The following TNKS2 variants were observed in gnomAD, a reference collection of about 807,000 sequenced individuals.
TNKS2 encodes the protein poly [ADP-ribose] polymerase tankyrase-2.
Under a neutral mutation model 137.6 loss-of-function variants are expected in TNKS2, and 72 were observed. That is an observed-to-expected ratio of 0.52 (90% CI 0.43 to 0.64). The LOEUF is 0.64. TNKS2 is among the 30% of genes least tolerant of loss of function. The pLI is 0.00. For missense variants in TNKS2, 1,049 were observed against 1,410.2 expected (o/e 0.74, Z 4.10); for synonymous variants, 516 against 512.1 (o/e 1.01, Z -0.10).
At chr10:91,808,849 A>G (rs1844409518) in intron 1 of TNKS2, among the ~76,000 whole-genome samples, 1 of 152,148 alleles carries the variant, frequency 6.6e-6, no homozygotes, top group Non-Finnish European at 1.5e-5. Context: ...AGGTAGAGGA[A>G]GCAATAAGCC....
At chr10:91,839,394 G>A (rs1466861853) in intron 13 of TNKS2, among the ~76,000 whole-genome samples, 3 of 151,590 alleles carry the variant, frequency 2.0e-5, no homozygotes, top group Non-Finnish European at 4.4e-5. Flanking sequence ...CCACGCTGGA[G>A]TGTGATGGCA....
At position 91,813,020 on chromosome 10, in the gene TNKS2, G is replaced by A. The variant is rs761037535; in HGVS notation, c.237G>A (p.Gln79=). ...AAGACGTAGTTGAATATTTGCTTCA[G>A]AATGGTGCAAATGTCCAAGCACGTG... ...GRKDVVEYLL[Q]NGANVQARDD... Residue 79 remains glutamine, a synonymous_variant, in exon 2 of 27, where the codon CAG becomes CAA. Coordinates refer to ENST00000371627, the MANE Select transcript of TNKS2 (RefSeq NM_025235.4). The A allele has an allele frequency of 6.2e-7, 1 of 1,614,040 alleles. No homozygotes were observed.
At chr10:91,842,490 C>G in intron 16 of TNKS2, 99 bp downstream of exon 16, 2 of 1,097,782 alleles carry the variant, frequency 1.8e-6, no homozygotes, top group Non-Finnish European at 2.6e-6. Context: ...AAATTCAAAT[C>G]AGGCCAAGCA....
At position 91,816,998 on chromosome 10, in the gene TNKS2, C is replaced by G. The variant is rs114850737; in HGVS notation, c.425-136C>G. ...ATTTTTATATTTAAAATGTAACATTCCCATTCTGACAAGATATGAAAGGTC... is the reference window on the plus strand; with the variant it reads ...ATTTTTATATTTAAAATGTAACATTGCCATTCTGACAAGATATGAAAGGTC... On this transcript the variant is annotated intron_variant, in intron 2 of 26. Coordinates refer to ENST00000371627, the MANE Select transcript of TNKS2 (RefSeq NM_025235.4). 597 of 563,472 alleles carry G rather than the reference C, an allele frequency of 1.1e-3. 1 individual carries two copies. The highest frequency in any genetic ancestry group is 0.01 in the African/African-American group (534 of 52,754). The allele number at this position is 563,472 out of a possible 1,614,324, so 34.9% of individuals were successfully genotyped here.
Position 91,804,107 on chromosome 10 carries a change from G to A in TNKS2, c.199+5218G>A, listed in dbSNP as rs573530797. Among the ~76,000 whole-genome samples, 80 of 152,136 alleles carry A rather than the reference G, an allele frequency of 5.3e-4. 1 individual carries two copies. The highest frequency in any genetic ancestry group is 2.7e-3 in the Admixed American group (41 of 15,288). On this transcript the variant is annotated intron_variant, in intron 1 of 26. Coordinates refer to ENST00000371627, the MANE Select transcript of TNKS2 (RefSeq NM_025235.4). ...GTACCTGGAGTTGCTGAAACTGATG[G>A]CATCTAGATAAGTAATAAATTTGAC...
chr10:91,837,681 G>A (rs1016898333), intron 13 of TNKS2, among the ~76,000 whole-genome samples: 12 of 152,300 alleles, frequency 7.9e-5, no homozygotes, highest in African/African-American at 1.9e-4. Flanking sequence ...CCAACATGGC[G>A]AAACCCCGTC....
intron 2 of TNKS2, among the ~76,000 whole-genome samples, chr10:91,813,859 G>A (rs946805481): frequency 1.3e-5 from 2 of 152,082 alleles, no homozygotes; most frequent in South Asian, 2.1e-4. Flanking sequence ...TTCATAGCAC[G>A]AGGCATTACT....
chr10:91,806,960 T>C (rs1021734938), intron 1 of TNKS2, among the ~76,000 whole-genome samples: 1 of 152,254 alleles, frequency 6.6e-6, no homozygotes, highest in Admixed American at 6.5e-5. Context: ...CAGATGCATT[T>C]CTTGTTCAGT....
At chr10:91,814,364 G>A (rs1240720490) in intron 2 of TNKS2, among the ~76,000 whole-genome samples, 2 of 152,098 alleles carry the variant, frequency 1.3e-5, no homozygotes, top group Non-Finnish European at 2.9e-5. Context: ...TATTACAAAA[G>A]TCAAAAAGCC....
intron 13 of TNKS2, among the ~76,000 whole-genome samples, chr10:91,838,265 C>T (rs1236625983): frequency 6.6e-6 from 1 of 151,842 alleles, no homozygotes; most frequent in Non-Finnish European, 1.5e-5. Context: ...ACAGTAATGC[C>T]ATTGGATTCA....
At chr10:91,840,477 T>G in intron 13 of TNKS2, 84 bp from the exon 14 acceptor site, 1 of 1,268,614 alleles carries the variant, frequency 7.9e-7, no homozygotes, top group Non-Finnish European at 1.1e-6. Context: ...AGTCAGACAC[T>G]TTGAAAATTC....
In TNKS2 at chr10:91,861,983, C is replaced by T; in HGVS notation, c.3282-16C>T. 6.3e-7 allele frequency: 1 copy of T among 1,596,770 alleles called. No individual in the cohort carries two copies. The highest frequency in any genetic ancestry group is 8.5e-7 in the Non-Finnish European group (1 of 1,171,394). On this transcript the variant is annotated splice_polypyrimidine_tract_variant and intron_variant, in intron 25 of 26. Transcript: ENST00000371627. Reference sequence around the variant, plus strand: ...AAATTTGACTTCAGGGTGATCTTTTCCTTTTCGTTTTATAGGCAGCTGCTC... The same window carrying T: ...AAATTTGACTTCAGGGTGATCTTTTTCTTTTCGTTTTATAGGCAGCTGCTC...
chr10:91,809,612 G>T (rs1844435320), intron 1 of TNKS2, among the ~76,000 whole-genome samples: 2 of 151,356 alleles, frequency 1.3e-5, no homozygotes, highest in Non-Finnish European at 2.9e-5. Flanking sequence ...CTTGCAGTGA[G>T]CCGAGATTGC....
In TNKS2 at chr10:91,846,556, T is replaced by C. The variant is rs1238071529; in HGVS notation, c.2358+616T>C. On this transcript the variant is annotated intron_variant, in intron 18 of 26. Transcript: ENST00000371627. ...CTTTGGGCACTGAAGCAGATGCCTC[T>C]CTTGCCTCTACCACTGAGGACATTG... is the stretch of plus-strand genomic sequence containing the variant. Among the ~76,000 whole-genome samples, 3 of 152,202 alleles carry C rather than the reference T, an allele frequency of 2.0e-5. No homozygotes were observed. The East Asian group carries it at 5.8e-4, about 29-fold the overall frequency.
At chr10:91,838,509 A>G (rs545158611) in intron 13 of TNKS2, among the ~76,000 whole-genome samples, 26 of 152,306 alleles carry the variant, frequency 1.7e-4, no homozygotes, top group Middle Eastern at 3.4e-3. Flanking sequence ...GACACATGCT[A>G]TTAGAAAACC....
intron 26 of TNKS2, 90 bp from the exon 27 acceptor site, chr10:91,862,847 C>T (rs1425417219): frequency 4.8e-6 from 4 of 840,674 alleles, no homozygotes; most frequent in Admixed American, 4.7e-5. Context: ...TTTAGAACCT[C>T]CTCCCTAAGA....
chr10:91,827,651 T>G (rs1435897138), intron 8 of TNKS2, among the ~76,000 whole-genome samples: 1 of 152,190 alleles, frequency 6.6e-6, no homozygotes, highest in Non-Finnish European at 1.5e-5. Flanking sequence ...CTGAAGTAGA[T>G]GTAGTGAGAA....
Position 91,828,399 on chromosome 10 carries a change from C to A in TNKS2, c.1097C>A (p.Thr366Lys). The change falls in exon 9 of 27, where the codon ACA (threonine) becomes AAA (lysine). Residue 366 changes from threonine (T) to lysine (K), a missense_variant. Around this residue, in one of 6 missense-constraint regions of TNKS2, gnomAD observed 374 missense variants for 460.8 expected, o/e 0.81. Coordinates refer to ENST00000371627, the MANE Select transcript of TNKS2 (RefSeq NM_025235.4). ...TTCAAGCATCCTCAAACACATGAAACAGCATTGGTAATGTTTCAGATTTAA... is the reference window on the plus strand; with the variant it reads ...TTCAAGCATCCTCAAACACATGAAAAAGCATTGGTAATGTTTCAGATTTAA... ...VNFKHPQTHE[T>K]ALHCAAASPY... The A allele has an allele frequency of 6.3e-7, 1 of 1,584,228 alleles. No homozygotes were observed. Among genetic ancestry groups the A allele is most frequent in the Admixed American group, 1.9e-5 (1 of 53,338 alleles).
Position 91,833,948 on chromosome 10 carries a change from T to C in TNKS2, c.1371T>C (p.Cys457=). Residue 457 remains cysteine (C), a synonymous_variant, in exon 12 of 27, where the codon TGT becomes TGC. Coordinates refer to ENST00000371627, the MANE Select transcript of TNKS2 (RefSeq NM_025235.4). ...GCCGCCTACTCCTGAGCTATGGGTG[T>C]GATCCTAACATTATATCCCTTCAGG... ...QTCRLLLSYG[C]DPNIISLQGF... 6.2e-7 allele frequency: 1 copy of C among 1,613,916 alleles called. No individual in the cohort carries two copies. The highest frequency in any genetic ancestry group is 1.7e-4 in the Middle Eastern group (1 of 6,060).
Sources: allele counts gnomAD v4.1 joint callset (sites outside exome capture counted in the v4.1 genomes callset), GRCh38; gene constraint gnomAD v4.1.1; regional missense constraint gnomAD v4.1.1; transcripts MANE v1.5; gene names NCBI Gene and HGNC (gene_info 2026-07-23, HGNC 2026-07-21).